Variants in CNKSR3 observed in about 807,000 individuals in gnomAD.
CNKSR3 encodes CNKSR family member 3.
Under a neutral mutation model 67.7 loss-of-function variants are expected in CNKSR3, and 36 were observed. The observed-to-expected ratio is 0.53, with a 90% CI of 0.41 to 0.70. CNKSR3 has a LOEUF of 0.70. CNKSR3 is among the 30% of genes least tolerant of loss of function. The probability of loss-of-function intolerance (pLI) is 0.00; values close to 1 mark genes in which losing one functional copy is unlikely to be tolerated. For missense variants in CNKSR3, 630 were observed against 695.2 expected (o/e 0.91, Z 1.05); for synonymous variants, 281 against 271.4 (o/e 1.04, Z -0.35).
intron 12 of CNKSR3, among the ~76,000 whole-genome samples, chr6:154,407,115 T>C (rs1784812467): frequency 6.6e-6 from 1 of 152,158 alleles, no homozygotes; most frequent in Non-Finnish European, 1.5e-5. Context: ...GGCCCACCAA[T>C]GGGTGCTCTG....
Position 154,423,002 on chromosome 6 carries a change from A to G in CNKSR3, c.730-19T>C, listed in dbSNP as rs1359901745. 1.3e-6 allele frequency: 2 copies of G among 1,545,282 alleles called. No homozygotes were observed. The highest frequency in any genetic ancestry group is 2.8e-5 in the African/African-American group (2 of 72,720). On this transcript the variant is annotated intron_variant, in intron 7 of 12. Coordinates refer to ENST00000607772, the MANE Select transcript of CNKSR3 (RefSeq NM_173515.4). ...CAGGAGACTGTACAGAAACAAAATA[A>G]CCTGCCTTAATTCTTTTAAACCTTC...
At chr6:154,463,484 C>A (rs1013936702) in intron 1 of CNKSR3, among the ~76,000 whole-genome samples, 9 of 152,178 alleles carry the variant, frequency 5.9e-5, no homozygotes, top group Middle Eastern at 3.2e-3. Context: ...AATCCTGCAG[C>A]CTGCAGTACG....
chr6:154,474,197 G>A (rs1786392402), intron 1 of CNKSR3, among the ~76,000 whole-genome samples: 1 of 150,228 alleles, frequency 6.7e-6, no homozygotes, highest in African/African-American at 2.4e-5. Context: ...CAGATCATGA[G>A]GTCAGGAGAT....
chr6:154,407,890 A>C (rs1449100589), intron 12 of CNKSR3, among the ~76,000 whole-genome samples: 3 of 151,270 alleles, frequency 2.0e-5, no homozygotes, highest in Non-Finnish European at 3.0e-5. Context: ...AAAAAAAAAA[A>C]AAAAACCTAA....
intron 2 of CNKSR3, among the ~76,000 whole-genome samples, chr6:154,443,352 C>T (rs141906183): frequency 2.6e-5 from 4 of 151,736 alleles, no homozygotes; most frequent in African/African-American, 7.3e-5. Context: ...CTGTGTCTTA[C>T]AGGATGTTTA....
At chr6:154,427,372 A>G (rs1372085581) in intron 7 of CNKSR3, among the ~76,000 whole-genome samples, 25 of 152,220 alleles carry the variant, frequency 1.6e-4, no homozygotes, top group Admixed American at 1.6e-3. Flanking sequence ...TTAGCTGATT[A>G]AATAGGTTAA....
Position 154,441,305 on chromosome 6 carries a change from G to A in CNKSR3, c.494C>T (p.Thr165Ile), listed in dbSNP as rs749251320. 15 of 1,599,632 alleles carry A rather than the reference G, an allele frequency of 9.4e-6. No homozygotes were observed. The highest frequency in any genetic ancestry group is 5.0e-5 in the Admixed American group (3 of 59,810). Residue 165 changes from threonine (T) to isoleucine (I), a missense_variant, in exon 4 of 13, where the codon ACT (threonine) becomes ATT (isoleucine). This residue lies in a region of CNKSR3 where 189 missense variants were observed against 205.0 expected (regional missense o/e 0.92). Transcript: ENST00000607772. ...CATACTACTGACCTTCTGGACTGTA[G>A]TGGTCAGGTCCAAGCAAAGCTGGAT... ...KIIQLCLDLT[T>I]TVQKDCFVAE...
chr6:154,401,231 G>T lies in CNKSR3; in HGVS notation c.*5123C>A, dbSNP rs1266264134. 6.6e-6 allele frequency: 1 copy of T among 152,208 alleles called. No homozygotes were observed. Among genetic ancestry groups the T allele is most frequent in the Non-Finnish European group, 1.5e-5 (1 of 68,048 alleles). 9.4% of individuals were successfully genotyped at this position (152,208 alleles called of 1,614,324 possible). Reference sequence around the variant, plus strand: ...TGAAACCCTAATCTCCAAAGCAATGGTATTAGGAGGCGGAGCTAATACCAT... The same window carrying T: ...TGAAACCCTAATCTCCAAAGCAATGTTATTAGGAGGCGGAGCTAATACCAT... On this transcript the variant is annotated 3_prime_UTR_variant, in exon 13 of 13. Coordinates refer to ENST00000607772, the MANE Select transcript of CNKSR3 (RefSeq NM_173515.4).
Position 154,505,072 on chromosome 6 carries a change from C to G in CNKSR3, c.52+4991G>C, listed in dbSNP as rs146991529. ...ACGGCTGCTAAAACAAAAAGGCCTC[C>G]CTTTCCCAGGGACCACAGAGACTAA... is the stretch of plus-strand genomic sequence containing the variant. On this transcript the variant is annotated intron_variant, in intron 1 of 12. Coordinates refer to ENST00000607772, the MANE Select transcript of CNKSR3 (RefSeq NM_173515.4). Among the ~76,000 whole-genome samples, 323 of 151,414 alleles carry G rather than the reference C, an allele frequency of 2.1e-3. 1 individual carries two copies. Among genetic ancestry groups the G allele is most frequent in the African/African-American group, 7.2e-3 (297 of 41,460 alleles).
intron 6 of CNKSR3, 105 bp downstream of exon 6, chr6:154,430,367 T>A: frequency 9.7e-7 from 1 of 1,025,802 alleles, no homozygotes; most frequent in Non-Finnish European, 1.4e-6. Flanking sequence ...CTAAATTAAT[T>A]CTGCTTTTCA....
chr6:154,499,053 G>A (rs189681303), intron 1 of CNKSR3, among the ~76,000 whole-genome samples: 1 of 152,294 alleles, frequency 6.6e-6, no homozygotes, highest in East Asian at 1.9e-4. Context: ...CCTGGGCTGA[G>A]CACTCACAGG....
chr6:154,468,624 C>G (rs1302635626), intron 1 of CNKSR3, among the ~76,000 whole-genome samples: 3 of 152,112 alleles, frequency 2.0e-5, no homozygotes, highest in Non-Finnish European at 4.4e-5. Flanking sequence ...GTCTTATTAC[C>G]TGCAGTATCT....
chr6:154,441,260 A>AAG (rs1785576953), intron 4 of CNKSR3, 32 bp downstream of exon 4: 4 of 1,259,566 alleles, frequency 3.2e-6, no homozygotes, highest in African/African-American at 3.1e-5. Flanking sequence ...AAAAAAAAAA[A>AAG]AAAAAGAAAG....
At position 154,430,460 on chromosome 6, in the gene CNKSR3, A is replaced by T. The variant is rs770821451; in HGVS notation, c.669+12T>A. ...GTTATCTGAAAATAAAACAAGTGTT[A>T]TTAGAACTTACCAGGCCTTCCCCAG... On this transcript the variant is annotated intron_variant, in intron 6 of 12. Transcript: ENST00000607772. 2 of 1,599,532 alleles carry T rather than the reference A, an allele frequency of 1.3e-6. No homozygotes were observed. The highest frequency in any genetic ancestry group is 2.7e-5 in the African/African-American group (2 of 74,098).
In CNKSR3 at chr6:154,395,662, G is replaced by T. The variant is rs1784654204; in HGVS notation, c.*10692C>A. ...AAGAGCAGCAACAATATTCTCAGTG[G>T]TTCTACCACTCAACCCCTTGGGATG... On this transcript the variant is annotated 3_prime_UTR_variant, in exon 13 of 13. Coordinates refer to ENST00000607772, the MANE Select transcript of CNKSR3 (RefSeq NM_173515.4). The T allele has an allele frequency of 6.6e-6, 1 of 152,114 alleles. No homozygotes were observed. Among genetic ancestry groups the T allele is most frequent in the Admixed American group, 6.5e-5 (1 of 15,270 alleles). The allele number at this position is 152,114 out of a possible 1,614,324, so 9.4% of individuals were successfully genotyped here.
intron 1 of CNKSR3, among the ~76,000 whole-genome samples, chr6:154,476,333 T>C (rs1412773418): frequency 3.9e-5 from 6 of 152,082 alleles, no homozygotes; most frequent in Non-Finnish European, 5.9e-5. Context: ...GGCAGGTGCC[T>C]GTAACCCCAG....
At chr6:154,450,640 C>T (rs2128719217) in intron 1 of CNKSR3, among the ~76,000 whole-genome samples, 1 of 152,284 alleles carries the variant, frequency 6.6e-6, no homozygotes. Flanking sequence ...AGGGAGCTTG[C>T]CAGTCAAGAC....
intron 1 of CNKSR3, among the ~76,000 whole-genome samples, chr6:154,482,574 AG>A (rs1260929827): frequency 6.6e-6 from 1 of 152,274 alleles, no homozygotes; most frequent in African/African-American, 2.4e-5. Flanking sequence ...CAATGTAAAA[AG>A]GAACAGATTC....
chr6:154,504,687 A>G (rs1406076880), intron 1 of CNKSR3, among the ~76,000 whole-genome samples: 7 of 148,792 alleles, frequency 4.7e-5, no homozygotes, highest in Non-Finnish European at 1.0e-4. Context: ...AAATTATTCA[A>G]ACACCTCACT....
Sources: gnomAD v4.1 joint callset for allele counts (sites outside exome capture counted in the v4.1 genomes callset) on GRCh38, gnomAD v4.1.1 for gene constraint, gnomAD v4.1.1 regional missense constraint, MANE v1.5 for transcripts, NCBI Gene and HGNC (gene_info 2026-07-23, HGNC 2026-07-21) for gene names.